Variants in CNTN5 observed in about 807,000 individuals in gnomAD.
CNTN5 encodes contactin-5.
In CNTN5, 77 loss-of-function variants were observed where a neutral mutation model predicts 129.1. The observed-to-expected ratio is 0.60, with a 90% CI of 0.50 to 0.72. The LOEUF is 0.72. Among genes scored for constraint, CNTN5 ranks in the 30% least tolerant of loss-of-function variants. The pLI is 0.00. For synonymous variants in CNTN5, 509 were observed against 465.6 expected, an observed-to-expected ratio of 1.09 and a Z score of -1.20; for missense variants, 1,478 against 1,328.8, an observed-to-expected ratio of 1.11 and a Z score of -1.75.
intron 9 of CNTN5, among the ~76,000 whole-genome samples, chr11:100,028,960 G>A (rs1941566026): frequency 6.6e-6 from 1 of 151,996 alleles, no homozygotes; most frequent in Non-Finnish European, 1.5e-5. Context: ...AAAATATTTT[G>A]TACTATTTCT....
chr11:99,815,312 C>T (rs1200390661), intron 3 of CNTN5, among the ~76,000 whole-genome samples: 1 of 150,926 alleles, frequency 6.6e-6, no homozygotes, highest in Non-Finnish European at 1.5e-5. Flanking sequence ...CAACATTTCC[C>T]ACTTATTTAT....
chr11:100,337,644 C>A, intron 21 of CNTN5: 1 of 675,828 alleles, frequency 1.5e-6, no homozygotes, highest in Non-Finnish European at 2.8e-6. Context: ...AATTGGGTAC[C>A]TGAGATTTTT....
At chr11:99,636,132 A>G (rs1451011370) in intron 3 of CNTN5, among the ~76,000 whole-genome samples, 1 of 152,090 alleles carries the variant, frequency 6.6e-6, no homozygotes, top group Non-Finnish European at 1.5e-5. Flanking sequence ...GAAAATAGAT[A>G]CCCATATGCA....
intron 2 of CNTN5, among the ~76,000 whole-genome samples, chr11:99,412,243 A>G (rs991850909): frequency 1.3e-5 from 2 of 152,172 alleles, no homozygotes; most frequent in African/African-American, 4.8e-5. Context: ...ACTGTACTGT[A>G]CATTGGTGAG....
chr11:100,040,111 T>C (rs1031025387), intron 9 of CNTN5, among the ~76,000 whole-genome samples: 15 of 152,284 alleles, frequency 9.9e-5, no homozygotes, highest in African/African-American at 3.1e-4. Flanking sequence ...TATCTACCTT[T>C]GGTCTTTGAT....
intron 2 of CNTN5, among the ~76,000 whole-genome samples, chr11:99,423,970 T>A (rs1463953557): frequency 1.3e-5 from 2 of 152,182 alleles, no homozygotes; most frequent in East Asian, 3.9e-4. Context: ...AGTTCCCTTT[T>A]ATTTGTGGGT....
At chr11:99,914,547 G>C (rs928665950) in intron 6 of CNTN5, among the ~76,000 whole-genome samples, 5 of 152,020 alleles carry the variant, frequency 3.3e-5, no homozygotes, top group African/African-American at 1.2e-4. Context: ...ACATATATTT[G>C]AAAATGACTG....
chr11:100,047,018 A>G (rs1942719078), intron 9 of CNTN5, among the ~76,000 whole-genome samples: 1 of 152,198 alleles, frequency 6.6e-6, no homozygotes, highest in Admixed American at 6.5e-5. Flanking sequence ...ACTGAAATTT[A>G]TAGGGCAAGT....
chr11:100,097,157 T>C (rs1052075412), intron 13 of CNTN5, among the ~76,000 whole-genome samples: 3 of 152,158 alleles, frequency 2.0e-5, no homozygotes, highest in Non-Finnish European at 4.4e-5. Context: ...AAAATACCTT[T>C]ATAATCCTAA....
chr11:99,590,602 A>C (rs567580805), intron 3 of CNTN5, among the ~76,000 whole-genome samples: 45 of 152,372 alleles, frequency 3.0e-4, no homozygotes, highest in African/African-American at 1.1e-3. Context: ...TGTGTTGTAG[A>C]TATGTGTCAG....
chr11:99,357,357 C>T (rs1349398089), intron 2 of CNTN5, among the ~76,000 whole-genome samples: 2 of 151,840 alleles, frequency 1.3e-5, no homozygotes, highest in South Asian at 2.1e-4. Flanking sequence ...GTGAGTTATT[C>T]GCTTAGAGAT....
intron 1 of CNTN5, among the ~76,000 whole-genome samples, chr11:99,195,548 T>A (rs1488558739): frequency 6.6e-6 from 1 of 152,090 alleles, no homozygotes; most frequent in Non-Finnish European, 1.5e-5. Context: ...TATAATCAAT[T>A]GTGTTTTCCT....
At chr11:100,223,367 T>C (rs545436048) in intron 15 of CNTN5, among the ~76,000 whole-genome samples, 2 of 152,258 alleles carry the variant, frequency 1.3e-5, no homozygotes, top group Admixed American at 6.5e-5. Flanking sequence ...AAACATAGTA[T>C]ATAGTAATTC....
intron 1 of CNTN5, among the ~76,000 whole-genome samples, chr11:99,069,083 A>C (rs1865225367): frequency 6.6e-6 from 1 of 152,122 alleles, no homozygotes; most frequent in Non-Finnish European, 1.5e-5. Flanking sequence ...GACAAGGTTG[A>C]GCATTACTGG....
At chr11:99,748,958 A>G (rs562161344) in intron 3 of CNTN5, among the ~76,000 whole-genome samples, 2 of 152,324 alleles carry the variant, frequency 1.3e-5, no homozygotes, top group Non-Finnish European at 2.9e-5. Flanking sequence ...TAAATTTACC[A>G]TCACAGTCTC....
intron 1 of CNTN5, among the ~76,000 whole-genome samples, chr11:99,043,763 A>G (rs1038021808): frequency 6.6e-6 from 1 of 152,226 alleles, no homozygotes; most frequent in African/African-American, 2.4e-5. Context: ...CAGTTTAAAG[A>G]CATAGAGGAT....
At chr11:99,721,640 A>G (rs757245943) in intron 3 of CNTN5, among the ~76,000 whole-genome samples, 26 of 152,160 alleles carry the variant, frequency 1.7e-4, no homozygotes, top group Admixed American at 1.2e-3. Context: ...AGCGGGATCT[A>G]CTTAAACTTA....
intron 3 of CNTN5, among the ~76,000 whole-genome samples, chr11:99,734,281 T>C (rs147634826): frequency 9.8e-5 from 15 of 152,294 alleles, no homozygotes; most frequent in Middle Eastern, 3.4e-3. Context: ...TGCAATAAAT[T>C]ATTGTTGACT....
At chr11:100,333,968 G>C (rs916977105) in intron 21 of CNTN5, among the ~76,000 whole-genome samples, 2 of 152,040 alleles carry the variant, frequency 1.3e-5, no homozygotes, top group South Asian at 2.1e-4. Flanking sequence ...TCTGCACAGC[G>C]ATAGAAATAA....
Sources: gnomAD v4.1 joint callset for allele counts (sites outside exome capture counted in the v4.1 genomes callset) on GRCh38, gnomAD v4.1.1 for gene constraint, MANE v1.5 for transcripts, NCBI Gene and HGNC (gene_info 2026-07-23, HGNC 2026-07-21) for gene names.